The following CPZ variants were observed in gnomAD, a reference collection of about 807,000 sequenced individuals.
The protein encoded by CPZ is carboxypeptidase Z, also known as VEZT/CPZ fusion.
CPZ carries 103 observed loss-of-function variants against 61.8 expected under a neutral mutation model. The ratio of observed to expected loss-of-function variants is 1.67; its 90% CI spans 1.42 to 1.96. The LOEUF (loss-of-function observed/expected upper bound fraction) is 1.96. CPZ is among the 30% of genes most tolerant of loss of function. CPZ has a pLI of 0.00. For synonymous variants in CPZ, 551 were observed against 373.7 expected (o/e 1.47, Z -5.47); for missense variants, 1,461 against 914.9 (o/e 1.60, Z -7.70).
In CPZ at chr4:8,614,216, G is replaced by A. The variant is rs568294718; in HGVS notation, c.1364-143G>A. On this transcript the variant is annotated intron_variant, in intron 8 of 10. Coordinates refer to ENST00000360986, the MANE Select transcript of CPZ (RefSeq NM_001014447.3). ...GCACTCACCTGCCTGCTGGGCACTT[G>A]GCTGACACCCCGACGTCCCGGCTGT... The A allele has an allele frequency of 4.3e-6, 5 of 1,155,124 alleles. No homozygotes were observed. The South Asian group carries it at 8.0e-5, about 19-fold the overall frequency. 71.6% of individuals were successfully genotyped at this position (1,155,124 alleles called of 1,614,324 possible).
At chr4:8,618,396 G>C in intron 9 of CPZ, 33 bp from the exon 10 acceptor site, 1 of 1,604,954 alleles carries the variant, frequency 6.2e-7, no homozygotes, top group Non-Finnish European at 8.5e-7. Flanking sequence ...GAGAGCTCAC[G>C]CCATCTCCCT....
chr4:8,612,275 G>A lies in CPZ; in HGVS notation c.1363+113G>A, dbSNP rs539103446. On this transcript the variant is annotated intron_variant, in intron 8 of 10. Coordinates refer to ENST00000360986, the MANE Select transcript of CPZ (RefSeq NM_001014447.3). Reference sequence around the variant, plus strand: ...CTGCTGGGATCCAGCTGGAGAGCCCGGAAGACAGGGCGATGCCTCACCTGG... The same window carrying A: ...CTGCTGGGATCCAGCTGGAGAGCCCAGAAGACAGGGCGATGCCTCACCTGG... 3.6e-4 allele frequency: 337 copies of A among 927,826 alleles called. 1 individual carries two copies. Among genetic ancestry groups the A allele is most frequent in the Non-Finnish European group, 4.7e-4 (301 of 646,382 alleles). 57.5% of individuals were successfully genotyped at this position (927,826 alleles called of 1,614,324 possible).
In CPZ at chr4:8,606,209, C is replaced by A. The variant is rs373027937; in HGVS notation, c.906+24C>A. The A allele has an allele frequency of 8.1e-6, 13 of 1,600,952 alleles. No individual in the cohort carries two copies. The African/African-American group carries it at 1.7e-4, about 21-fold the overall frequency. ...AGGTGAGCGCCCAGATGCCTGGATC[C>A]TGTGGGCCACCGCCCGAACCACCCC... On this transcript the variant is annotated intron_variant, in intron 5 of 10. Transcript: ENST00000360986.
chr4:8,599,017 G>A lies in CPZ; in HGVS notation c.89-436G>A, dbSNP rs557255262. On this transcript the variant is annotated intron_variant, in intron 1 of 10. Transcript: ENST00000360986. The stretch of plus-strand genomic sequence containing the variant: ...GTGCCTGCTGGTGAGGGCTCCGGGG[G>A]CTGACAGTTAAAACTTTTGGAATCT... 5.3e-5 allele frequency among the ~76,000 whole-genome samples: 8 copies of A among 152,330 alleles called. No homozygotes were observed. The South Asian group carries it at 1.7e-3, about 32-fold the overall frequency.
In CPZ at chr4:8,619,733, A is replaced by G. The variant is rs1005764066; in HGVS notation, c.*116A>G. The G allele has an allele frequency of 5.6e-5, 46 of 815,076 alleles. No homozygotes were observed. In the South Asian group the frequency reaches 9.0e-4, roughly 16 times the overall value. 50.5% of individuals were successfully genotyped at this position (815,076 alleles called of 1,614,324 possible). On this transcript the variant is annotated 3_prime_UTR_variant, in exon 11 of 11. Transcript: ENST00000360986. ...CCCACAAAGCCGCTGCCATTTTATT[A>G]AAGTGTTTTGATCCACTTTGCACTG...
intron 9 of CPZ, 67 bp from the exon 10 acceptor site, chr4:8,618,362 G>C: frequency 6.7e-7 from 1 of 1,492,114 alleles, no homozygotes; most frequent in Non-Finnish European, 9.3e-7. Context: ...TGGGGAACGA[G>C]CTGACGGCCT....
At chr4:8,616,808 C>T (rs1219626679) in intron 9 of CPZ, among the ~76,000 whole-genome samples, 2 of 152,204 alleles carry the variant, frequency 1.3e-5, no homozygotes, top group East Asian at 1.9e-4. Context: ...GTCCATGAGA[C>T]ATTGTTTCAG....
At position 8,619,553 on chromosome 4, in the gene CPZ, C is replaced by A; in HGVS notation, c.1895C>A (p.Pro632His). ...CAGCCCTCGGCCGACGGGAGTAAGC[C>A]CTGGTGGTGGTCCTACTTCACATCG... is the stretch of plus-strand genomic sequence containing the variant. ...RRQPSADGSK[P>H]WWWSYFTSLS... The change falls in exon 11 of 11, where the codon CCC becomes CAC. Residue 632 changes from proline to histidine, a missense_variant. Pro to His is a moderately conservative substitution (Grantham distance 77, BLOSUM62 -2). Transcript: ENST00000360986. 6.4e-7 allele frequency: 1 copy of A among 1,555,346 alleles called. No individual in the cohort carries two copies. The highest frequency in any genetic ancestry group is 8.7e-7 in the Non-Finnish European group (1 of 1,150,230).
intron 4 of CPZ, among the ~76,000 whole-genome samples, chr4:8,605,024 C>A (rs1714832442): frequency 6.6e-6 from 1 of 152,240 alleles, no homozygotes; most frequent in Non-Finnish European, 1.5e-5. Flanking sequence ...GAGGCAGAGG[C>A]TCTCCCTACA....
intron 1 of CPZ, among the ~76,000 whole-genome samples, chr4:8,598,805 CAT>C (rs1376205842): frequency 1.3e-5 from 2 of 152,230 alleles, no homozygotes; most frequent in African/African-American, 4.8e-5. Context: ...GTTGGGTTCA[CAT>C]GTCTGGGTTC....
At chr4:8,611,095 C>A in intron 7 of CPZ, 1 of 401,116 alleles carries the variant, frequency 2.5e-6, no homozygotes, top group Admixed American at 2.6e-5. Flanking sequence ...CATTCACTCA[C>A]TCACTCACTC....
In CPZ at chr4:8,614,570, G is replaced by A. The variant is rs957460247; in HGVS notation, c.1503+72G>A. ...GGGGTGGGTCACATTCAGGCCCCCA[G>A]GGCAGCCCCCGTAGCCTCACTGCCC... On this transcript the variant is annotated intron_variant, in intron 9 of 10. Coordinates refer to ENST00000360986, the MANE Select transcript of CPZ (RefSeq NM_001014447.3). 4 of 1,539,870 alleles carry A rather than the reference G, an allele frequency of 2.6e-6. No homozygotes were observed. In the African/African-American group the frequency reaches 4.1e-5, roughly 16 times the overall value.
rs143690050 is a variant in CPZ, at chr4:8,619,516, C to G, written c.1858C>G (p.Arg620Gly). 92 of 1,596,616 alleles carry G rather than the reference C, an allele frequency of 5.8e-5. No homozygotes were observed. In the South Asian group the frequency reaches 9.0e-4, roughly 16 times the overall value. The change falls in exon 11 of 11, where the codon CGG (arginine) becomes GGG (glycine). Residue 620 changes from arginine to glycine, a missense_variant. Physicochemically the swap from Arg to Gly is moderately radical, Grantham distance 125. Transcript: ENST00000360986. ...GGAGGCCACGGAGCCCGACCCGCTC[C>G]GGGCGCGCAGGCAGCCCTCGGCCGA... ...LGEATEPDPLRARRQPSADGS... is the reference protein window; with the variant it reads ...LGEATEPDPLGARRQPSADGS...
intron 7 of CPZ, among the ~76,000 whole-genome samples, chr4:8,610,739 GCA>G (rs1715581776): frequency 1.3e-5 from 2 of 152,202 alleles, no homozygotes; most frequent in Non-Finnish European, 2.9e-5. Context: ...ACCCACAGGT[GCA>G]GGGGCTGCTG....
chr4:8,611,030 A>C (rs1002424102), intron 7 of CPZ: 1 of 360,442 alleles, frequency 2.8e-6, no homozygotes, highest in African/African-American at 2.2e-5. Flanking sequence ...TCATTCCCTC[A>C]CTCTTTCACT....
In CPZ at chr4:8,619,411, G is replaced by C. The variant is rs201198309; in HGVS notation, c.1753G>C (p.Gly585Arg). ...GRVDFILQPL[G>R]MGPKNFIHGL... ...TGTGGACTTCATTCTGCAACCTCTG[G>C]GGATGGGACCCAAGAACTTTATTCA... Residue 585 changes from glycine (G) to arginine (R), a missense_variant, in exon 11 of 11, where the codon GGG (glycine) becomes CGG (arginine). Gly to Arg is a moderately radical substitution (Grantham distance 125, BLOSUM62 -2). Coordinates refer to ENST00000360986, the MANE Select transcript of CPZ (RefSeq NM_001014447.3). 22 of 1,614,178 alleles carry C rather than the reference G, an allele frequency of 1.4e-5. No homozygotes were observed. In the African/African-American group the frequency reaches 2.1e-4, roughly 16 times the overall value.
rs574481331 is a variant in CPZ at position 8,608,440 on chromosome 4, C to T, written c.1227+1015C>T. On this transcript the variant is annotated intron_variant, in intron 7 of 10. Coordinates refer to ENST00000360986, the MANE Select transcript of CPZ (RefSeq NM_001014447.3). The stretch of plus-strand genomic sequence containing the variant: ...GTTTGTTCTCCTTTCTGAGGCCACC[C>T]GGCCGAGCACATAGCTGGGCCCCTG... Among the ~76,000 whole-genome samples the T allele has an allele frequency of 1.6e-4, 25 of 152,334 alleles. No homozygotes were observed. The East Asian group carries it at 2.1e-3, about 13-fold the overall frequency.
chr4:8,618,332 A>G (rs1390723161), intron 9 of CPZ, 97 bp from the exon 10 acceptor site: 2 of 1,186,806 alleles, frequency 1.7e-6, no homozygotes, highest in African/African-American at 1.5e-5. Context: ...CCCCCTAGAT[A>G]CCAAGCTCTG....
intron 1 of CPZ, among the ~76,000 whole-genome samples, chr4:8,593,130 C>T (rs554516797): frequency 8.5e-5 from 13 of 152,218 alleles, no homozygotes; most frequent in Admixed American, 1.3e-4. Flanking sequence ...AGGCTCTCTA[C>T]GGCATCCAGG....
Sources: gnomAD v4.1 joint callset for allele counts (sites outside exome capture counted in the v4.1 genomes callset) on GRCh38, gnomAD v4.1.1 for gene constraint, MANE v1.5 for transcripts, NCBI Gene and HGNC (gene_info 2026-07-23, HGNC 2026-07-21) for gene names.